DNAH3: variants seen among roughly 807,000 people sequenced by gnomAD.
DNAH3 encodes the protein dynein axonemal heavy chain 3.
DNAH3 carries 332 observed loss-of-function variants against 432.5 expected under a neutral mutation model. That is an observed-to-expected ratio of 0.77 (90% CI 0.70 to 0.84). The LOEUF is 0.84. Among genes scored for constraint, DNAH3 ranks in the 40% least tolerant of loss-of-function variants. The pLI, the probability that DNAH3 is intolerant of heterozygous loss-of-function variation, is 0.00. For synonymous variants in DNAH3, 1,956 were observed against 1,900.2 expected, an observed-to-expected ratio of 1.03 and a Z score of -0.76; for missense variants, 4,861 against 5,114.0, an observed-to-expected ratio of 0.95 and a Z score of 1.51.
chr16:21,057,977 C>A (rs961219510), intron 27 of DNAH3, 109 bp downstream of exon 27: 3 of 745,288 alleles, frequency 4.0e-6, no homozygotes, highest in Non-Finnish European at 7.2e-6. Context: ...GATGCTGAGA[C>A]CAAATGATTT....
intron 28 of DNAH3, among the ~76,000 whole-genome samples, chr16:21,053,624 T>C (rs2090033387): frequency 6.6e-6 from 1 of 152,188 alleles, no homozygotes; most frequent in African/African-American, 2.4e-5. Context: ...CCCTCCCTGA[T>C]GTTATGCTGG....
intron 27 of DNAH3, among the ~76,000 whole-genome samples, chr16:21,056,061 C>T (rs895633019): frequency 6.6e-6 from 1 of 152,184 alleles, no homozygotes; most frequent in Non-Finnish European, 1.5e-5. Flanking sequence ...ATTATAGCTG[C>T]CTCTTCAAGC....
intron 51 of DNAH3, among the ~76,000 whole-genome samples, chr16:20,974,186 AT>A (rs534158317): frequency 3.3e-5 from 5 of 150,188 alleles, no homozygotes; most frequent in African/African-American, 1.2e-4. Flanking sequence ...CAGCTGGCTA[AT>A]TTTTTTTTAC....
exon 62 of DNAH3, chr16:20,933,218 G>T (rs1376753959): frequency 6.2e-7 from 1 of 1,614,274 alleles, no homozygotes; most frequent in Middle Eastern, 1.6e-4. Flanking sequence ...GGGCATGTCT[G>T]TTGGAAGCTC....
intron 7 of DNAH3, 125 bp from the exon 9 acceptor site, chr16:21,127,937 A>C (rs970020962): frequency 1.5e-5 from 18 of 1,179,242 alleles, no homozygotes; most frequent in African/African-American, 7.6e-5. Context: ...AATGAATTAC[A>C]GGATATGGGA....
At chr16:20,957,740 G>A (rs1456760328) in intron 54 of DNAH3, among the ~76,000 whole-genome samples, 1 of 141,898 alleles carries the variant, frequency 7.0e-6, no homozygotes, top group South Asian at 2.2e-4. Context: ...CCGGGAGGCA[G>A]AGGTCACAGT....
chr16:21,097,427 T>C, exon 18 of DNAH3: 1 of 1,614,004 alleles, frequency 6.2e-7, no homozygotes, highest in Non-Finnish European at 8.5e-7. Flanking sequence ...GGTACTTTGT[T>C]CTTCAGCATG....
exon 32 of DNAH3, chr16:21,042,138 T>C (rs1359706875): frequency 6.2e-7 from 1 of 1,613,532 alleles, no homozygotes; most frequent in Admixed American, 1.7e-5. Context: ...TGAATGTCTT[T>C]AGCTTCCGAA....
intron 52 of DNAH3, among the ~76,000 whole-genome samples, chr16:20,966,893 A>G (rs1478930553): frequency 2.6e-5 from 4 of 152,180 alleles, no homozygotes; most frequent in African/African-American, 9.7e-5. Flanking sequence ...GCCTGCCCAG[A>G]CACAAAGCCA....
intron 44 of DNAH3, 140 bp downstream of exon 44, chr16:20,997,143 G>A (rs2086795563): frequency 1.4e-6 from 1 of 709,912 alleles, no homozygotes; most frequent in Non-Finnish European, 2.3e-6. Flanking sequence ...GAAGCCTGTA[G>A]CCTACACATG....
chr16:21,143,510 T>A (rs906366674), intron 3 of DNAH3, among the ~76,000 whole-genome samples: 3 of 152,186 alleles, frequency 2.0e-5, no homozygotes, highest in Non-Finnish European at 4.4e-5. Flanking sequence ...CCACAAGATA[T>A]GAATTTCTGT....
intron 16 of DNAH3, among the ~76,000 whole-genome samples, chr16:21,099,274 A>ATG (rs2091774615): frequency 2.7e-5 from 4 of 145,964 alleles, no homozygotes; most frequent in Admixed American, 1.4e-4. Context: ...GGATGGATGG[A>ATG]CAGATGGATG....
At chr16:20,969,713 T>C (rs1234306042) in intron 52 of DNAH3, 79 bp downstream of exon 52, 9 of 1,503,150 alleles carry the variant, frequency 6.0e-6, no homozygotes, top group African/African-American at 1.4e-5. Flanking sequence ...TGCAGTCGAC[T>C]TGGGGATGCA....
At chr16:21,111,165 C>A (rs1201986549) in intron 14 of DNAH3, among the ~76,000 whole-genome samples, 1 of 152,112 alleles carries the variant, frequency 6.6e-6, no homozygotes, top group African/African-American at 2.4e-5. Context: ...TAGAGTGAAA[C>A]CTCCTTTTGA....
chr16:21,127,538 G>C, intron 8 of DNAH3, 149 bp downstream of exon 9: 2 of 946,980 alleles, frequency 2.1e-6, no homozygotes, highest in Non-Finnish European at 1.5e-6. Flanking sequence ...TCCAGCCTGA[G>C]TGACAGAAAG....
At chr16:20,982,957 C>G in intron 48 of DNAH3, 71 bp from the exon 49 acceptor site, 1 of 1,573,290 alleles carries the variant, frequency 6.4e-7, no homozygotes, top group East Asian at 2.2e-5. Context: ...GGCGGGTATT[C>G]CCAAGGATTC....
intron 5 of DNAH3, 67 bp downstream of exon 6, chr16:21,140,469 T>A: frequency 6.7e-7 from 1 of 1,503,744 alleles, no homozygotes. Context: ...CTCCCTGAAT[T>A]TAGAATCACT....
At chr16:21,042,639 C>T (rs1168656178) in intron 31 of DNAH3, among the ~76,000 whole-genome samples, 1 of 152,040 alleles carries the variant, frequency 6.6e-6, no homozygotes, top group Non-Finnish European at 1.5e-5. Context: ...TTTCCCTTTA[C>T]TAGATCGCAA....
At chr16:21,159,352 T>G (rs771980815) in exon 1 of DNAH3, 3 of 1,614,130 alleles carry the variant, frequency 1.9e-6, no homozygotes, top group East Asian at 4.5e-5. Context: ...CCTCCTCTCC[T>G]TGGGTCTCCC....
Sources: gnomAD v4.1 joint callset for allele counts (sites outside exome capture counted in the v4.1 genomes callset) on GRCh38, gnomAD v4.1.1 for gene constraint, MANE v1.5 for transcripts, NCBI Gene and HGNC (gene_info 2026-07-23, HGNC 2026-07-21) for gene names.